TASP1: variants seen among roughly 807,000 people sequenced by gnomAD.
TASP1 encodes the protein taspase 1.
In TASP1, 16 loss-of-function variants were observed where a neutral mutation model predicts 56.6. The observed-to-expected ratio is 0.28, with a 90% CI of 0.19 to 0.43. TASP1 has a LOEUF of 0.43. TASP1 is among the 20% of genes least tolerant of loss of function. TASP1 has a pLI of 1.00. For missense variants in TASP1, 393 were observed against 511.6 expected (o/e 0.77, Z 2.24); for synonymous variants, 179 against 184.2 (o/e 0.97, Z 0.23).
At chr20:13,521,212 G>T (rs1017357928) in intron 10 of TASP1, among the ~76,000 whole-genome samples, 16 of 152,156 alleles carry the variant, frequency 1.1e-4, no homozygotes, top group Non-Finnish European at 4.4e-5. Context: ...GGAAGTCAGT[G>T]TGGCGATTCC....
the TASP1 span, among the ~76,000 whole-genome samples, chr20:13,344,276 C>T: frequency 1.3e-5 from 2 of 151,976 alleles, no homozygotes; most frequent in East Asian, 3.9e-4. Context: ...TCTATATTTG[C>T]GCACACACAC....
At chr20:13,164,084 G>A in the TASP1 span, among the ~76,000 whole-genome samples, 1 of 151,994 alleles carries the variant, frequency 6.6e-6, no homozygotes, top group Non-Finnish European at 1.5e-5. Flanking sequence ...TCCCTGGTGT[G>A]TGATGTTCCC....
chr20:13,254,045 C>T, the TASP1 span, among the ~76,000 whole-genome samples: 1 of 141,910 alleles, frequency 7.0e-6, no homozygotes, highest in African/African-American at 2.7e-5. Flanking sequence ...TGGCAAAACC[C>T]CATCATCTCT....
the TASP1 span, among the ~76,000 whole-genome samples, chr20:13,266,718 C>T: frequency 6.6e-6 from 1 of 152,172 alleles, no homozygotes; most frequent in African/African-American, 2.4e-5. Context: ...TGATGCTTTC[C>T]TTAAATTCCC....
At chr20:13,530,756 C>A (rs2045189428) in intron 9 of TASP1, among the ~76,000 whole-genome samples, 1 of 152,136 alleles carries the variant, frequency 6.6e-6, no homozygotes, top group East Asian at 1.9e-4. Context: ...TGTCTTTCTT[C>A]TTAACCTTCT....
chr20:13,453,475 A>C (rs2043706004), intron 11 of TASP1, among the ~76,000 whole-genome samples: 1 of 152,124 alleles, frequency 6.6e-6, no homozygotes, highest in East Asian at 1.9e-4. Context: ...TCAAGCAAGC[A>C]CTGCTAGACC....
the TASP1 span, among the ~76,000 whole-genome samples, chr20:13,179,408 T>C: frequency 6.9e-6 from 1 of 145,094 alleles, no homozygotes; most frequent in East Asian, 2.0e-4. Context: ...ATTATGTGCG[T>C]GTGTGTGTGT....
chr20:13,478,622 G>C (rs2043025141), intron 11 of TASP1, among the ~76,000 whole-genome samples: 1 of 152,012 alleles, frequency 6.6e-6, no homozygotes, highest in Admixed American at 6.6e-5. Flanking sequence ...TGGGTACAAT[G>C]TACATTATTC....
chr20:13,533,701 T>C (rs768979036), intron 9 of TASP1, among the ~76,000 whole-genome samples: 6 of 151,866 alleles, frequency 4.0e-5, no homozygotes, highest in Admixed American at 1.3e-4. Context: ...CTAAAGAGAG[T>C]GACATTTACA....
At chr20:13,221,747 C>G in the TASP1 span, 1 of 1,371,458 alleles carries the variant, frequency 7.3e-7, no homozygotes, top group Non-Finnish European at 9.4e-7. Flanking sequence ...GGCCGCCGCG[C>G]CGGGTCCTAA....
the TASP1 span, among the ~76,000 whole-genome samples, chr20:13,294,083 C>A: frequency 6.6e-6 from 1 of 152,108 alleles, no homozygotes; most frequent in African/African-American, 2.4e-5. Context: ...TCCAAAGGGT[C>A]GGCCATGATG....
chr20:13,360,514 A>T, the TASP1 span, among the ~76,000 whole-genome samples: 1 of 152,048 alleles, frequency 6.6e-6, no homozygotes, highest in Non-Finnish European at 1.5e-5. Context: ...GAATTCTTAC[A>T]CAAGAGCCAG....
the TASP1 span, among the ~76,000 whole-genome samples, chr20:13,221,356 G>T: frequency 1.4e-5 from 2 of 147,882 alleles, no homozygotes; most frequent in South Asian, 2.1e-4. Context: ...GCCCATGTGC[G>T]CTCGGGGGCT....
intron 10 of TASP1, among the ~76,000 whole-genome samples, chr20:13,489,772 C>T (rs2043457053): frequency 6.6e-6 from 1 of 152,138 alleles, no homozygotes; most frequent in South Asian, 2.1e-4. Context: ...TATAAAATTA[C>T]CATTTAACCA....
chr20:13,588,285 G>A lies in TASP1; in HGVS notation c.283-915C>T, dbSNP rs551390731. Reference sequence around the variant, plus strand: ...AGGAAGGAAGGAAGGAAGGAAGGAAGGAAGGAAGGAAGGAAGGAAGGAAGA... The same window carrying A: ...AGGAAGGAAGGAAGGAAGGAAGGAAAGAAGGAAGGAAGGAAGGAAGGAAGA... On this transcript the variant is annotated intron_variant, in intron 4 of 13. Coordinates refer to ENST00000337743, the MANE Select transcript of TASP1 (RefSeq NM_017714.3). Among the ~76,000 whole-genome samples the A allele has an allele frequency of 8.0e-3, 1,104 of 137,308 alleles. 10 individuals are homozygous for A. The highest frequency in any genetic ancestry group is 0.024 in the South Asian group (100 of 4,220). 90.1% of individuals were successfully genotyped at this position (137,308 alleles called of 152,430 possible).
chr20:13,510,076 A>G (rs1283447035), intron 10 of TASP1, among the ~76,000 whole-genome samples: 1 of 152,194 alleles, frequency 6.6e-6, no homozygotes, highest in African/African-American at 2.4e-5. Flanking sequence ...CCCTGAACCT[A>G]AAATGAAAGT....
At chr20:13,220,493 C>T in the TASP1 span, among the ~76,000 whole-genome samples, 1 of 152,166 alleles carries the variant, frequency 6.6e-6, no homozygotes, top group Non-Finnish European at 1.5e-5. Flanking sequence ...GGGCGCGGCA[C>T]CCCCGGGATG....
At chr20:13,120,283 A>G in the TASP1 span, among the ~76,000 whole-genome samples, 5 of 152,224 alleles carry the variant, frequency 3.3e-5, no homozygotes, top group African/African-American at 7.2e-5. Context: ...TACTTCCCGT[A>G]TATCTCAAAT....
chr20:13,404,394 A>G (rs897264359), intron 13 of TASP1, among the ~76,000 whole-genome samples: 2 of 152,188 alleles, frequency 1.3e-5, no homozygotes, highest in East Asian at 1.9e-4. Context: ...CTTGAGGCCA[A>G]CAGTTTGAGA....
Sources: allele counts gnomAD v4.1 joint callset (sites outside exome capture counted in the v4.1 genomes callset), GRCh38; gene constraint gnomAD v4.1.1; transcripts MANE v1.5; gene names NCBI Gene and HGNC (gene_info 2026-07-23, HGNC 2026-07-21).